The following ARID4A variants were observed in gnomAD, a reference collection of about 807,000 sequenced individuals.
ARID4A encodes AT-rich interactive domain-containing protein 4A.
ARID4A carries 39 observed loss-of-function variants against 148.6 expected under a neutral mutation model. The observed-to-expected ratio is 0.26, with a 90% CI of 0.20 to 0.34. The LOEUF is 0.34. ARID4A is among the 10% of genes least tolerant of loss of function. The probability of loss-of-function intolerance (pLI) is 1.00; values close to 1 mark genes in which losing one functional copy is unlikely to be tolerated. For missense variants in ARID4A, 1,265 were observed against 1,449.1 expected (o/e 0.87, Z 2.06); for synonymous variants, 475 against 481.2 (o/e 0.99, Z 0.17).
intron 16 of ARID4A, among the ~76,000 whole-genome samples, chr14:58,353,294 G>A (rs1204808030): frequency 1.3e-5 from 2 of 152,062 alleles, no homozygotes; most frequent in African/African-American, 4.8e-5. Flanking sequence ...TGTCAAAAGT[G>A]ATTGATTACA....
intron 18 of ARID4A, among the ~76,000 whole-genome samples, chr14:58,360,683 A>T (rs2035095027): frequency 6.6e-6 from 1 of 152,250 alleles, no homozygotes; most frequent in Non-Finnish European, 1.5e-5. Context: ...TCAGCAGTGG[A>T]GGATTATATA....
At position 58,329,603 on chromosome 14, in the gene ARID4A, A is replaced by T. The variant is rs1209211585; in HGVS notation, c.738A>T (p.Pro246=). 6.3e-7 allele frequency: 1 copy of T among 1,593,162 alleles called. No individual in the cohort carries two copies. Among genetic ancestry groups the T allele is most frequent in the South Asian group, 1.1e-5 (1 of 90,636 alleles). Residue 246 remains proline, a splice_region_variant and synonymous_variant, in exon 10 of 24, where the codon CCA becomes CCT. Transcript: ENST00000355431. The part of the protein sequence containing the change: ...NLPESELSTK[P]GLQKASIFLK... The stretch of plus-strand genomic sequence containing the variant: ...CGGAATCTGAGCTCTCCACTAAACC[A>T]GGTAAAATAAAGATGAATTACCCTA...
At chr14:58,311,638 ATGTT>A (rs1173832993) in intron 5 of ARID4A, among the ~76,000 whole-genome samples, 6 of 152,198 alleles carry the variant, frequency 3.9e-5, no homozygotes, top group African/African-American at 1.4e-4. Flanking sequence ...CTGTATTCCC[ATGTT>A]TATTGCAGCA....
At chr14:58,365,465 CTCT>C in intron 20 of ARID4A, 50 bp from the exon 21 acceptor site, 3 of 853,846 alleles carry the variant, frequency 3.5e-6, no homozygotes, top group East Asian at 3.7e-5. Context: ...AATATACTTG[CTCT>C]TTTTTTTTTT....
At position 58,353,741 on chromosome 14, in the gene ARID4A, A is replaced by G. The variant is rs2034742586; in HGVS notation, c.1739A>G (p.Lys580Arg). The G allele has an allele frequency of 6.2e-7, 1 of 1,613,988 alleles. No homozygotes were observed. The highest frequency in any genetic ancestry group is 1.7e-5 in the Admixed American group (1 of 60,006). Reference protein sequence around the residue: ...MEPCLTGTKVKVKYGRGKTQK... With the variant: ...MEPCLTGTKVRVKYGRGKTQK... ...CCCTGCCTAACAGGAACCAAAGTGA[A>G]AGTAAAATATGGACGAGGGAAGACT... The change falls in exon 17 of 24, where the codon AAA becomes AGA. Residue 580 changes from lysine to arginine, a missense_variant. Lys to Arg is a conservative substitution (Grantham distance 26, BLOSUM62 2). Around this residue, in one of 9 missense-constraint regions of ARID4A, gnomAD observed 30 missense variants for 65.7 expected, o/e 0.46. Transcript: ENST00000355431.
chr14:58,300,852 C>G (rs1256651391), intron 2 of ARID4A, among the ~76,000 whole-genome samples: 3 of 151,374 alleles, frequency 2.0e-5, no homozygotes, highest in Non-Finnish European at 2.9e-5. Context: ...AGCAATCATC[C>G]TGTTACTGTA....
intron 21 of ARID4A, 44 bp from the exon 22 acceptor site, chr14:58,365,980 G>A (rs1194166088): frequency 6.7e-7 from 1 of 1,488,720 alleles, no homozygotes. Flanking sequence ...TGATATTTAA[G>A]AATTTTATTT....
At chr14:58,354,507 A>AC in intron 17 of ARID4A, among the ~76,000 whole-genome samples, 1 of 151,592 alleles carries the variant, frequency 6.6e-6, no homozygotes, top group East Asian at 1.9e-4. Context: ...ACATAGTTAG[A>AC]CCCCCATCTC....
At position 58,364,669 on chromosome 14, in the gene ARID4A, A is replaced by G. The variant is rs776156365; in HGVS notation, c.2580A>G (p.Leu860=). Residue 860 remains leucine, a synonymous_variant, in exon 20 of 24, where the codon CTA becomes CTG. Coordinates refer to ENST00000355431, the MANE Select transcript of ARID4A (RefSeq NM_002892.4). ...VKEKKLKRKI[L]GQSSPEKKIR... ...AAAAGAAGTTGAAACGGAAAATACT[A>G]GGACAATCATCGCCAGAGAAAAAAA... 147 of 1,613,878 alleles carry G rather than the reference A, an allele frequency of 9.1e-5. No individual in the cohort carries two copies. The highest frequency in any genetic ancestry group is 1.6e-4 in the Middle Eastern group (1 of 6,084).
rs201953201 is a variant in ARID4A at position 58,354,688 on chromosome 14, T to TAA, written c.1853+847_1853+848dup. Among the ~76,000 whole-genome samples, 402 of 123,442 alleles carry TAA rather than the reference T, an allele frequency of 3.3e-3. 1 individual carries two copies. The highest frequency in any genetic ancestry group is 9.5e-3 in the African/African-American group (302 of 31,810). 81.0% of individuals were successfully genotyped at this position (123,442 alleles called of 152,430 possible). ...ATAGAGCGAAACCCTGTCTCATAAA[T>TAA]AAAAAAAAAAAAAAAGAAAAAAGAG... On this transcript the variant is annotated intron_variant, in intron 17 of 23. Coordinates refer to ENST00000355431, the MANE Select transcript of ARID4A (RefSeq NM_002892.4).
At chr14:58,356,224 A>C (rs2034858949) in intron 17 of ARID4A, among the ~76,000 whole-genome samples, 1 of 152,212 alleles carries the variant, frequency 6.6e-6, no homozygotes, top group Non-Finnish European at 1.5e-5. Context: ...CGCCAGGACC[A>C]AGTACACTAA....
intron 17 of ARID4A, among the ~76,000 whole-genome samples, chr14:58,354,804 C>T (rs1213582241): frequency 1.3e-5 from 2 of 151,956 alleles, no homozygotes; most frequent in Non-Finnish European, 2.9e-5. Context: ...GACAGTTAGA[C>T]CAAGGTAACA....
At chr14:58,332,696 T>C (rs1036164942) in intron 11 of ARID4A, among the ~76,000 whole-genome samples, 7 of 152,322 alleles carry the variant, frequency 4.6e-5, no homozygotes, top group Middle Eastern at 6.8e-3. Flanking sequence ...TTAGTCATTA[T>C]GGGCCTTTAT....
In ARID4A at chr14:58,373,278, A is replaced by G; in HGVS notation, c.*1289A>G. ...GCTTTGTCTGTGAATTGTTCCACAG[A>G]CTGATAGATTTTGTAAATAATTCTT... On this transcript the variant is annotated 3_prime_UTR_variant, in exon 24 of 24. Transcript: ENST00000355431. 5.1e-6 allele frequency: 1 copy of G among 196,622 alleles called. No individual in the cohort carries two copies. Among genetic ancestry groups the G allele is most frequent in the Non-Finnish European group, 1.1e-5 (1 of 94,486 alleles). The allele number at this position is 196,622 out of a possible 1,614,324, so 12.2% of individuals were successfully genotyped here. A position where few individuals can be genotyped will look rare whatever the true frequency, so the allele number is the denominator to read the frequency against.
intron 5 of ARID4A, among the ~76,000 whole-genome samples, chr14:58,310,057 G>A (rs746429775): frequency 1.8e-4 from 27 of 152,066 alleles, no homozygotes; most frequent in African/African-American, 6.5e-4. Flanking sequence ...AATTCATTAA[G>A]AAATAAAGTA....
chr14:58,365,711 T>G, intron 21 of ARID4A, 89 bp downstream of exon 21: 1 of 1,129,846 alleles, frequency 8.9e-7, no homozygotes, highest in Non-Finnish European at 1.3e-6. Context: ...AGCAATACTA[T>G]ATTGTTTTAT....
At chr14:58,347,368 T>C (rs2034423870) in intron 14 of ARID4A, among the ~76,000 whole-genome samples, 1 of 152,188 alleles carries the variant, frequency 6.6e-6, no homozygotes, top group African/African-American at 2.4e-5. Flanking sequence ...ATGATACATA[T>C]TACAGAGCTA....
intron 5 of ARID4A, among the ~76,000 whole-genome samples, chr14:58,315,946 C>T (rs2032379558): frequency 6.6e-6 from 1 of 152,108 alleles, no homozygotes; most frequent in Admixed American, 6.6e-5. Flanking sequence ...ACATTGTCTC[C>T]TGCATGTAAA....
At chr14:58,348,773 T>G (rs755432360) in intron 15 of ARID4A, among the ~76,000 whole-genome samples, 4 of 152,202 alleles carry the variant, frequency 2.6e-5, no homozygotes, top group Non-Finnish European at 4.4e-5. Context: ...AAAACTTCCT[T>G]CATGTAGTAA....
Sources: gnomAD v4.1 joint callset for allele counts (sites outside exome capture counted in the v4.1 genomes callset) on GRCh38, gnomAD v4.1.1 for gene constraint, gnomAD v4.1.1 regional missense constraint, MANE v1.5 for transcripts, NCBI Gene and HGNC (gene_info 2026-07-23, HGNC 2026-07-21) for gene names.